The following SEMA3C variants were observed in gnomAD, a reference collection of about 807,000 sequenced individuals.
The protein encoded by SEMA3C is semaphorin 3C, also known as semaphorin-3C.
Under a neutral mutation model 89.4 loss-of-function variants are expected in SEMA3C, and 47 were observed. The observed-to-expected ratio is 0.53, with a 90% confidence interval of 0.42 to 0.67. SEMA3C has a LOEUF of 0.67. Among genes scored for constraint, SEMA3C ranks in the 30% least tolerant of loss-of-function variants. The pLI is 0.00. For missense variants in SEMA3C, 839 were observed against 929.1 expected (o/e 0.90, Z 1.26); for synonymous variants, 310 against 320.2 (o/e 0.97, Z 0.34).
chr7:80,770,553 T>C (rs1414457106), intron 12 of SEMA3C, among the ~76,000 whole-genome samples: 1 of 152,252 alleles, frequency 6.6e-6, no homozygotes, highest in African/African-American at 2.4e-5. Flanking sequence ...TCATAATGGC[T>C]ATCTAAAAAT....
intron 13 of SEMA3C, among the ~76,000 whole-genome samples, chr7:80,763,685 C>T (rs1788235658): frequency 6.6e-6 from 1 of 152,098 alleles, no homozygotes; most frequent in African/African-American, 2.4e-5. Context: ...GGAGATATTT[C>T]AGTATTAAAA....
chr7:80,800,684 G>A (rs1789180578), intron 10 of SEMA3C, 73 bp downstream of exon 10: 3 of 919,260 alleles, frequency 3.3e-6, no homozygotes, highest in Non-Finnish European at 5.0e-6. Flanking sequence ...AGAGAAGAAT[G>A]CTTTTATAAT....
At chr7:80,789,271 A>G (rs1008891112) in intron 12 of SEMA3C, 35 bp downstream of exon 12, 14 of 1,536,262 alleles carry the variant, frequency 9.1e-6, no homozygotes, top group African/African-American at 1.4e-5. Context: ...TTCTTTTACT[A>G]CACATTAAAG....
intron 14 of SEMA3C, 144 bp from the exon 15 acceptor site, chr7:80,758,632 T>C (rs2117048056): frequency 1.3e-6 from 1 of 780,712 alleles, no homozygotes; most frequent in African/African-American, 1.8e-5. Context: ...CAGAAGGGTA[T>C]GAAGCCAAAA....
At chr7:80,746,543 G>A (rs1787803345) in intron 17 of SEMA3C, among the ~76,000 whole-genome samples, 1 of 152,000 alleles carries the variant, frequency 6.6e-6, no homozygotes, top group African/African-American at 2.4e-5. Flanking sequence ...TTACATTTTA[G>A]GAATTTAGAC....
chr7:80,895,531 T>C (rs1338356833), intron 2 of SEMA3C, among the ~76,000 whole-genome samples: 3 of 152,202 alleles, frequency 2.0e-5, no homozygotes, highest in African/African-American at 7.2e-5. Context: ...TTCATAAAGG[T>C]GTTAAAAATC....
intron 2 of SEMA3C, among the ~76,000 whole-genome samples, chr7:80,863,783 T>C (rs1790838330): frequency 7.8e-6 from 1 of 128,992 alleles, no homozygotes; most frequent in Non-Finnish European, 1.6e-5. Context: ...ATCATATATA[T>C]AGTAGTATTC....
chr7:80,800,850 T>G (rs1250497871), intron 9 of SEMA3C, 24 bp from the exon 10 acceptor site: 1 of 1,431,338 alleles, frequency 7.0e-7, no homozygotes, highest in African/African-American at 1.5e-5. Context: ...AATATTCTTT[T>G]AAAGTTTCTA....
chr7:80,911,444 G>A (rs530643479), intron 2 of SEMA3C, among the ~76,000 whole-genome samples: 1 of 152,154 alleles, frequency 6.6e-6, no homozygotes, highest in East Asian at 1.9e-4. Context: ...TGCAAATAAA[G>A]GCTAAGTAAC....
chr7:80,799,583 C>T (rs374702476), intron 10 of SEMA3C, among the ~76,000 whole-genome samples: 1 of 152,252 alleles, frequency 6.6e-6, no homozygotes, highest in African/African-American at 2.4e-5. Flanking sequence ...TGGCTCATGC[C>T]TGTAATCCCA....
intron 6 of SEMA3C, among the ~76,000 whole-genome samples, chr7:80,807,635 T>G (rs1374733593): frequency 6.6e-6 from 1 of 150,992 alleles, no homozygotes; most frequent in African/African-American, 2.4e-5. Flanking sequence ...CATAAAGTTA[T>G]GTAGGCTCTT....
At chr7:80,863,607 C>G (rs1397985380) in intron 2 of SEMA3C, among the ~76,000 whole-genome samples, 3 of 150,986 alleles carry the variant, frequency 2.0e-5, no homozygotes, top group African/African-American at 7.3e-5. Context: ...GGAACCAACC[C>G]AAATGCTCGT....
intron 2 of SEMA3C, among the ~76,000 whole-genome samples, chr7:80,856,162 G>C (rs895496935): frequency 6.6e-6 from 1 of 151,790 alleles, no homozygotes; most frequent in African/African-American, 2.4e-5. Context: ...TAAATATGCA[G>C]GTAAAAATTC....
intron 6 of SEMA3C, among the ~76,000 whole-genome samples, chr7:80,807,929 A>C (rs1003244381): frequency 7.2e-5 from 11 of 152,222 alleles, no homozygotes; most frequent in Non-Finnish European, 1.6e-4. Flanking sequence ...GATAACTACA[A>C]TCTTATAAAG....
intron 2 of SEMA3C, among the ~76,000 whole-genome samples, chr7:80,860,489 A>T (rs1790746200): frequency 6.6e-6 from 1 of 152,194 alleles, no homozygotes; most frequent in Admixed American, 6.5e-5. Flanking sequence ...GCAATGTGGT[A>T]GAGAAAACTG....
chr7:80,910,706 T>C (rs907519311), intron 2 of SEMA3C, among the ~76,000 whole-genome samples: 1 of 151,892 alleles, frequency 6.6e-6, no homozygotes, highest in African/African-American at 2.4e-5. Flanking sequence ...GTGATAGTTC[T>C]TTATTATAGC....
chr7:80,754,873 G>A (rs1788019576), intron 15 of SEMA3C, among the ~76,000 whole-genome samples: 1 of 151,650 alleles, frequency 6.6e-6, no homozygotes, highest in Non-Finnish European at 1.5e-5. Context: ...CGCCACAAGG[G>A]TTCAAATGAT....
intron 9 of SEMA3C, 118 bp downstream of exon 9, chr7:80,802,547 T>G: frequency 1.6e-6 from 1 of 610,738 alleles, no homozygotes; most frequent in South Asian, 2.6e-5. Context: ...TTATTTTAAA[T>G]TAGCATATTA....
intron 14 of SEMA3C, among the ~76,000 whole-genome samples, chr7:80,760,195 T>C (rs535911001): frequency 6.6e-6 from 1 of 152,224 alleles, no homozygotes; most frequent in African/African-American, 2.4e-5. Flanking sequence ...TATCCTTGCC[T>C]TGAATCTCAC....
Sources: gnomAD v4.1 joint callset for allele counts (sites outside exome capture counted in the v4.1 genomes callset) on GRCh38, gnomAD v4.1.1 for gene constraint, MANE v1.5 for transcripts, NCBI Gene and HGNC (gene_info 2026-07-23, HGNC 2026-07-21) for gene names.